Variants in SORCS1 observed in about 807,000 individuals in gnomAD.
The protein encoded by SORCS1 is sortilin related VPS10 domain containing receptor 1, also known as VPS10 domain-containing receptor SorCS1.
Under a neutral mutation model 146.1 loss-of-function variants are expected in SORCS1, and 60 were observed. The observed-to-expected ratio is 0.41, with a 90% CI of 0.33 to 0.51. SORCS1 has a LOEUF of 0.51. Ranked by LOEUF, SORCS1 falls within the 20% of genes least tolerant of loss-of-function variation. SORCS1 has a pLI of 0.21. For missense variants in SORCS1, 1,352 were observed against 1,487.6 expected (o/e 0.91, Z 1.50); for synonymous variants, 637 against 584.0 (o/e 1.09, Z -1.31).
intron 5 of SORCS1, among the ~76,000 whole-genome samples, chr10:106,749,911 T>C (rs147589892): frequency 9.3e-4 from 142 of 152,334 alleles, no homozygotes; most frequent in Non-Finnish European, 1.7e-3. Flanking sequence ...AAGAGCTCAA[T>C]GTCACACCCC....
chr10:106,678,572 C>T (rs965734681), intron 12 of SORCS1, among the ~76,000 whole-genome samples: 1 of 152,170 alleles, frequency 6.6e-6, no homozygotes, highest in Non-Finnish European at 1.5e-5. Flanking sequence ...GTTATTAAAA[C>T]ATATTGATTG....
intron 8 of SORCS1, among the ~76,000 whole-genome samples, chr10:106,705,706 T>C (rs899584388): frequency 1.3e-5 from 2 of 152,198 alleles, no homozygotes; most frequent in African/African-American, 2.4e-5. Flanking sequence ...TACATCACGA[T>C]GGCAGCAAGA....
intron 1 of SORCS1, among the ~76,000 whole-genome samples, chr10:107,050,600 A>T (rs1173660616): frequency 6.6e-6 from 1 of 152,154 alleles, no homozygotes; most frequent in African/African-American, 2.4e-5. Flanking sequence ...CTCAAAACTG[A>T]ATTCTGTATA....
intron 8 of SORCS1, among the ~76,000 whole-genome samples, chr10:106,702,710 T>C (rs1482647407): frequency 1.3e-5 from 2 of 152,228 alleles, no homozygotes; most frequent in East Asian, 1.9e-4. Flanking sequence ...TTAAAATATT[T>C]ATATATTATC....
chr10:106,837,295 G>A (rs1948826751), intron 2 of SORCS1, among the ~76,000 whole-genome samples: 1 of 152,034 alleles, frequency 6.6e-6, no homozygotes, highest in African/African-American at 2.4e-5. Context: ...ATAGAAAAGA[G>A]GCAGCTCCTT....
At chr10:106,986,027 CAATT>C (rs1564890085) in intron 1 of SORCS1, among the ~76,000 whole-genome samples, 1 of 151,938 alleles carries the variant, frequency 6.6e-6, no homozygotes, top group South Asian at 2.1e-4. Context: ...CATGATGTAA[CAATT>C]AAAAGTTAAG....
intron 18 of SORCS1, among the ~76,000 whole-genome samples, chr10:106,637,397 T>C (rs1885352): frequency 0.073 from 11,062 of 152,270 alleles, 480 homozygotes; most frequent in East Asian, 0.2. Flanking sequence ...AACTGAGCTC[T>C]GGAAGATGAC....
intron 1 of SORCS1, among the ~76,000 whole-genome samples, chr10:107,114,861 T>G (rs964844010): frequency 1.3e-5 from 2 of 152,060 alleles, no homozygotes; most frequent in Non-Finnish European, 2.9e-5. Context: ...AACTTAAACA[T>G]TCTACCAAAA....
rs1847664057 is a variant in SORCS1 at position 106,620,445 on chromosome 10, A to T, written c.2779T>A (p.Tyr927Asn). Residue 927 changes from tyrosine (Y) to asparagine (N), a missense_variant, in exon 20 of 26, where the codon TAC becomes AAC. Transcript: ENST00000263054. ...GAACCCACCTCCGTGTTGTTTCCGT[A>T]CCACCACACGTAAGTGAGGGTGCCC... ...QVGTLTYVWW[Y>N]GNNTEPLITL... 1 of 1,613,370 alleles carries T rather than the reference A, an allele frequency of 6.2e-7. No individual in the cohort carries two copies. The highest frequency in any genetic ancestry group is 8.5e-7 in the Non-Finnish European group (1 of 1,179,544).
At chr10:106,897,634 G>C (rs1951539116) in intron 2 of SORCS1, among the ~76,000 whole-genome samples, 1 of 151,816 alleles carries the variant, frequency 6.6e-6, no homozygotes, top group South Asian at 2.1e-4. Context: ...GTGTGCTTGT[G>C]TATGTGACTC....
intron 24 of SORCS1, among the ~76,000 whole-genome samples, chr10:106,596,312 T>C (rs1376883847): frequency 6.6e-6 from 1 of 152,192 alleles, no homozygotes; most frequent in Non-Finnish European, 1.5e-5. Context: ...TGAAGACCAC[T>C]TTGCACTGGT....
intron 1 of SORCS1, among the ~76,000 whole-genome samples, chr10:106,957,208 G>C (rs1432944897): frequency 4.9e-5 from 7 of 142,008 alleles, no homozygotes; most frequent in African/African-American, 1.6e-4. Flanking sequence ...TCGCTCGCTC[G>C]TGTTGCCCAT....
chr10:106,993,697 A>G (rs1285903203), intron 1 of SORCS1, among the ~76,000 whole-genome samples: 1 of 152,194 alleles, frequency 6.6e-6, no homozygotes, highest in Admixed American at 6.5e-5. Flanking sequence ...GAAAAAAAAT[A>G]TTCTTTTAAA....
chr10:106,691,582 G>T (rs1281994906), intron 9 of SORCS1, among the ~76,000 whole-genome samples: 1 of 152,086 alleles, frequency 6.6e-6, no homozygotes, highest in Non-Finnish European at 1.5e-5. Context: ...TGCATTTCCT[G>T]TTGCCAACGT....
chr10:106,866,881 AC>A (rs1950238860), intron 2 of SORCS1, among the ~76,000 whole-genome samples: 1 of 152,200 alleles, frequency 6.6e-6, no homozygotes, highest in African/African-American at 2.4e-5. Context: ...TTAAAGGAAC[AC>A]CCACATGCAG....
At chr10:106,875,307 G>A (rs1950555825) in intron 2 of SORCS1, among the ~76,000 whole-genome samples, 1 of 152,166 alleles carries the variant, frequency 6.6e-6, no homozygotes, top group South Asian at 2.1e-4. Context: ...TCCTTTTTAT[G>A]GCTGAATAGT....
intron 5 of SORCS1, among the ~76,000 whole-genome samples, chr10:106,731,848 A>G (rs372066839): frequency 3.9e-5 from 6 of 152,152 alleles, no homozygotes; most frequent in African/African-American, 1.2e-4. Context: ...ATGTGAAATG[A>G]AAGAAGGAAG....
At chr10:106,635,099 G>A (rs1848654470) in intron 18 of SORCS1, among the ~76,000 whole-genome samples, 1 of 152,150 alleles carries the variant, frequency 6.6e-6, no homozygotes, top group South Asian at 2.1e-4. Context: ...TGGCCACCAG[G>A]AAGCCAATAT....
chr10:106,912,161 G>A (rs974131573), intron 2 of SORCS1, among the ~76,000 whole-genome samples: 14 of 151,440 alleles, frequency 9.2e-5, no homozygotes, highest in Admixed American at 6.6e-5. Context: ...CTGCTCAGAA[G>A]TAAAGGCTTC....
Sources: gnomAD v4.1 joint callset for allele counts (sites outside exome capture counted in the v4.1 genomes callset) on GRCh38, gnomAD v4.1.1 for gene constraint, MANE v1.5 for transcripts, NCBI Gene and HGNC (gene_info 2026-07-23, HGNC 2026-07-21) for gene names.